GSE1: variants seen among roughly 807,000 people sequenced by gnomAD.
GSE1 encodes the protein genetic suppressor element 1.
In GSE1, 32 loss-of-function variants were observed where a neutral mutation model predicts 112.6. The ratio of observed to expected loss-of-function variants is 0.28; its 90% CI spans 0.21 to 0.38. The LOEUF (loss-of-function observed/expected upper bound fraction) is 0.38. Among genes scored for constraint, GSE1 ranks in the 10% least tolerant of loss-of-function variants. The pLI is 1.00. For missense variants in GSE1, 2,348 were observed against 1,699.2 expected, an observed-to-expected ratio of 1.38 and a Z score of -6.71; for synonymous variants, 1,115 against 735.6, an observed-to-expected ratio of 1.52 and a Z score of -8.35.
chr16:85,268,362 C>T (rs749489862), intron 1 of GSE1, among the ~76,000 whole-genome samples: 7 of 152,174 alleles, frequency 4.6e-5, no homozygotes, highest in African/African-American at 1.7e-4. Context: ...GCCAGGTCCC[C>T]ACTGAGTGAC....
intron 1 of GSE1, among the ~76,000 whole-genome samples, chr16:85,271,810 A>G (rs1908864302): frequency 6.6e-6 from 1 of 152,080 alleles, no homozygotes; most frequent in South Asian, 2.1e-4. Context: ...GGGGAGCTCC[A>G]GTCGGGCTGT....
At chr16:85,294,482 A>G (rs1246544719) in intron 1 of GSE1, among the ~76,000 whole-genome samples, 1 of 152,036 alleles carries the variant, frequency 6.6e-6, no homozygotes, top group Non-Finnish European at 1.5e-5. Context: ...AGGTTCTGCT[A>G]TTACAGATGC....
intron 2 of GSE1, among the ~76,000 whole-genome samples, chr16:85,474,392 G>A (rs1442442206): frequency 6.6e-6 from 1 of 152,182 alleles, no homozygotes; most frequent in Non-Finnish European, 1.5e-5. Context: ...GGGAGCCAGA[G>A]GAGAACAGCT....
chr16:85,635,301 G>C (rs548245975), intron 2 of GSE1, among the ~76,000 whole-genome samples: 1 of 152,270 alleles, frequency 6.6e-6, no homozygotes, highest in East Asian at 1.9e-4. Flanking sequence ...CCACCAGGGG[G>C]CAGCCCCTCG....
intron 2 of GSE1, among the ~76,000 whole-genome samples, chr16:85,512,928 G>C (rs1185839474): frequency 6.6e-6 from 1 of 152,072 alleles, no homozygotes; most frequent in Admixed American, 6.5e-5. Context: ...GGAAGGGCTA[G>C]CTACAACCAT....
chr16:85,590,929 A>G (rs1183708692), intron 1 of GSE1, among the ~76,000 whole-genome samples: 1 of 151,444 alleles, frequency 6.6e-6, no homozygotes, highest in Non-Finnish European at 1.5e-5. Context: ...CGGTGCTGAC[A>G]TGCGGTGGGG....
chr16:85,501,070 G>A (rs1177374768), intron 2 of GSE1, among the ~76,000 whole-genome samples: 2 of 125,298 alleles, frequency 1.6e-5, no homozygotes, highest in East Asian at 5.4e-4. Flanking sequence ...GCACGATCTC[G>A]GCTCACTGCA....
Position 85,344,373 on chromosome 16 carries a change from C to T in GSE1, c.2284-13090C>T, listed in dbSNP as rs115326721. Among the ~76,000 whole-genome samples, 975 of 152,268 alleles carry T rather than the reference C, an allele frequency of 6.4e-3. 14 individuals are homozygous for T. Among genetic ancestry groups the T allele is most frequent in the African/African-American group, 0.022 (918 of 41,566 alleles). Reference sequence around the variant, plus strand: ...CTTTTGCCCGGAACCCTGGGCCGAGCGGGGTCCTGCCCGGGGAGCCTCCTT... The same window carrying T: ...CTTTTGCCCGGAACCCTGGGCCGAGTGGGGTCCTGCCCGGGGAGCCTCCTT... On this transcript the variant is annotated intron_variant, in intron 1 of 2. Transcript: ENST00000637419.
intron 1 of GSE1, among the ~76,000 whole-genome samples, chr16:85,357,160 G>T (rs1020739805): frequency 6.6e-6 from 1 of 152,204 alleles, no homozygotes; most frequent in Non-Finnish European, 1.5e-5. Context: ...GCCAGCTGCC[G>T]CGAGGGCTCC....
chr16:85,369,309 TG>T (rs2047247008), intron 2 of GSE1, among the ~76,000 whole-genome samples: 1 of 152,130 alleles, frequency 6.6e-6, no homozygotes, highest in Non-Finnish European at 1.5e-5. Context: ...TTGACCTCCC[TG>T]GGCTCAAGGG....
intron 2 of GSE1, among the ~76,000 whole-genome samples, chr16:85,442,445 A>AATGG (rs2049399666): frequency 6.6e-6 from 1 of 151,542 alleles, no homozygotes; most frequent in Non-Finnish European, 1.5e-5. Flanking sequence ...TGAATGGATG[A>AATGG]ATGAATGAAT....
At chr16:85,172,680 C>T (rs925066054) in intron 1 of GSE1, among the ~76,000 whole-genome samples, 6 of 152,236 alleles carry the variant, frequency 3.9e-5, no homozygotes, top group Non-Finnish European at 5.9e-5. Context: ...ACAGTCAGTG[C>T]GACTTGTTTT....
intron 2 of GSE1, among the ~76,000 whole-genome samples, chr16:85,459,273 C>A (rs1436411692): frequency 1.3e-5 from 2 of 152,208 alleles, no homozygotes; most frequent in Non-Finnish European, 2.9e-5. Flanking sequence ...GTTGTGGGTG[C>A]CCCTCCACAG....
chr16:85,416,681 T>C (rs79089952), intron 2 of GSE1, among the ~76,000 whole-genome samples: 3,296 of 152,332 alleles, frequency 0.022, 128 homozygotes, highest in African/African-American at 0.074. Flanking sequence ...GCTAAGATTC[T>C]TCATGGGAAC....
At chr16:85,486,372 C>T (rs950754970) in intron 2 of GSE1, among the ~76,000 whole-genome samples, 3 of 152,360 alleles carry the variant, frequency 2.0e-5, no homozygotes, top group Middle Eastern at 3.4e-3. Context: ...CTTCCAAGGG[C>T]AGCAGGGACC....
At chr16:85,507,138 C>T (rs546500673) in intron 2 of GSE1, among the ~76,000 whole-genome samples, 60 of 152,312 alleles carry the variant, frequency 3.9e-4, no homozygotes, top group African/African-American at 1.1e-3. Flanking sequence ...GCGTCGTCGA[C>T]GCTCGCCGGC....
chr16:85,561,567 C>T (rs1038562897), intron 1 of GSE1, among the ~76,000 whole-genome samples: 3 of 152,222 alleles, frequency 2.0e-5, no homozygotes, highest in Admixed American at 6.5e-5. Context: ...TGCCCTCGGC[C>T]CTCCAGGGAG....
intron 2 of GSE1, among the ~76,000 whole-genome samples, chr16:85,486,313 A>ACT (rs77851160): frequency 0.68 from 103,315 of 151,856 alleles, 36,542 homozygotes; most frequent in African/African-American, 0.88. Context: ...ACGTACGCAC[A>ACT]CTCCTGCTCT....
At chr16:85,170,583 C>T in exon 1 of GSE1, 1 of 985,566 alleles carries the variant, frequency 1.0e-6, no homozygotes. Context: ...GCCGTGTCCC[C>T]CGGGCTCTCC....
Sources: allele counts gnomAD v4.1 joint callset (sites outside exome capture counted in the v4.1 genomes callset), GRCh38; gene constraint gnomAD v4.1.1; transcripts MANE v1.5; gene names NCBI Gene and HGNC (gene_info 2026-07-23, HGNC 2026-07-21).